MLLT1: variants seen among roughly 807,000 people sequenced by gnomAD.
MLLT1 encodes the protein protein ENL.
Under a neutral mutation model 55.1 loss-of-function variants are expected in MLLT1, and 11 were observed. That is an observed-to-expected ratio of 0.20 (90% CI 0.13 to 0.33). The LOEUF is 0.33. MLLT1 is among the 10% of genes least tolerant of loss of function. The probability of loss-of-function intolerance (pLI) is 1.00; values close to 1 mark genes in which losing one functional copy is unlikely to be tolerated. For missense variants in MLLT1, 536 were observed against 760.6 expected (o/e 0.70, Z 3.47); for synonymous variants, 323 against 320.1 (o/e 1.01, Z -0.10).
chr19:6,222,503 T>C lies in MLLT1; in HGVS notation c.728A>G (p.Lys243Arg), dbSNP rs760747884. 6.3e-6 allele frequency: 10 copies of C among 1,598,320 alleles called. No individual in the cohort carries two copies. The African/African-American group carries it at 1.3e-4, about 21-fold the overall frequency. The change falls in exon 6 of 12, where the codon AAG becomes AGG. Residue 243 changes from lysine to arginine, a missense_variant. Lys to Arg is a conservative substitution (Grantham distance 26). This residue lies in a region of MLLT1 where 449 missense variants were observed against 489.0 expected (regional missense o/e 0.92). Coordinates refer to ENST00000252674, the MANE Select transcript of MLLT1 (RefSeq NM_005934.4). The surrounding 1 kb of genome is among the most constrained non-coding windows in gnomAD (Gnocchi z 4.1). ...LGEGRLPKEEKAPPPKAAFKE... is the reference protein window; with the variant it reads ...LGEGRLPKEERAPPPKAAFKE... ...GAAGGCAGCCTTGGGCGGTGGCGCC[T>C]TCTCCTCCTTGGGCAGCCGGCCCTC...
In MLLT1 at chr19:6,221,734, C is replaced by A. The variant is rs147391067; in HGVS notation, c.1110+387G>T. On this transcript the variant is annotated intron_variant, in intron 6 of 11. Transcript: ENST00000252674. ...CCTATTGGCAGAGCTCCAGGCCGGG[C>A]TGACCACGCCATGGTCAGAGCAACC... is the stretch of plus-strand genomic sequence containing the variant. 3.0e-3 allele frequency among the ~76,000 whole-genome samples: 452 copies of A among 152,358 alleles called. 2 individuals are homozygous for A. The highest frequency in any genetic ancestry group is 0.011 in the African/African-American group (442 of 41,592).
chr19:6,217,452 G>A (rs1409902753), intron 7 of MLLT1, among the ~76,000 whole-genome samples: 1 of 152,156 alleles, frequency 6.6e-6, no homozygotes, highest in Non-Finnish European at 1.5e-5. Flanking sequence ...GCAGGCTGGT[G>A]CAGCCAATGG....
chr19:6,217,862 G>A, intron 7 of MLLT1, 92 bp downstream of exon 7: 1 of 1,489,742 alleles, frequency 6.7e-7, no homozygotes, highest in Non-Finnish European at 9.0e-7. Context: ...CCCAGCCTGT[G>A]CAGGCAGTGG....
chr19:6,275,216 C>T (rs2091422064), intron 1 of MLLT1, among the ~76,000 whole-genome samples: 1 of 152,224 alleles, frequency 6.6e-6, no homozygotes. Context: ...TTGGACTTCG[C>T]CCAGTGGTGG....
chr19:6,241,115 C>T (rs2091108942), intron 3 of MLLT1, among the ~76,000 whole-genome samples: 1 of 152,242 alleles, frequency 6.6e-6, no homozygotes, highest in Admixed American at 6.5e-5. Context: ...TGCTGCCAGG[C>T]TGAGAGCAGC....
At chr19:6,224,561 C>T (rs948435087) in intron 5 of MLLT1, among the ~76,000 whole-genome samples, 7 of 151,982 alleles carry the variant, frequency 4.6e-5, no homozygotes, top group Non-Finnish European at 8.8e-5. Flanking sequence ...TCCAAAGGCA[C>T]GTCAGAGGCC....
intron 3 of MLLT1, among the ~76,000 whole-genome samples, chr19:6,257,518 G>A (rs536111447): frequency 9.2e-5 from 14 of 151,900 alleles, no homozygotes; most frequent in African/African-American, 1.5e-4. Flanking sequence ...AATGGACAAC[G>A]GGCTGGGCAT....
chr19:6,236,930 T>G (rs2091067323), intron 3 of MLLT1, among the ~76,000 whole-genome samples: 1 of 152,254 alleles, frequency 6.6e-6, no homozygotes. Flanking sequence ...TCACGTGTTC[T>G]TGGGCCGGGC....
Position 6,211,594 on chromosome 19 carries a change from A to G in MLLT1, c.*1448T>C. Reference sequence around the variant, plus strand: ...GGTGGGTTCGAGGGGGTGCGAGCCCACCTCCAGGCCCTCAGCCCTCTTTTC... The same window carrying G: ...GGTGGGTTCGAGGGGGTGCGAGCCCGCCTCCAGGCCCTCAGCCCTCTTTTC... On this transcript the variant is annotated 3_prime_UTR_variant, in exon 12 of 12. Coordinates refer to ENST00000252674, the MANE Select transcript of MLLT1 (RefSeq NM_005934.4). The surrounding 1 kb of genome is among the most constrained non-coding windows in gnomAD (Gnocchi z 4.6). 9.4e-7 allele frequency: 1 copy of G among 1,065,166 alleles called. No individual in the cohort carries two copies. The highest frequency in any genetic ancestry group is 5.0e-5 in the East Asian group (1 of 20,036). 66.0% of individuals were successfully genotyped at this position (1,065,166 alleles called of 1,614,324 possible).
chr19:6,278,731 C>A (rs2091440921), intron 1 of MLLT1, among the ~76,000 whole-genome samples: 1 of 151,924 alleles, frequency 6.6e-6, no homozygotes, highest in Non-Finnish European at 1.5e-5. Flanking sequence ...GAACAGCAGG[C>A]CATCAGTGAC....
rs556791693 is a variant in MLLT1, at chr19:6,219,946, G to A, written c.1111-1905C>T. Among the ~76,000 whole-genome samples the A allele has an allele frequency of 8.5e-4, 129 of 152,364 alleles. No homozygotes were observed. The highest frequency in any genetic ancestry group is 1.6e-3 in the Non-Finnish European group (106 of 68,030). On this transcript the variant is annotated intron_variant, in intron 6 of 11. Transcript: ENST00000252674. This position sits in a 1 kb window ranked among gnomAD's most constrained non-coding sequence, Gnocchi z 4.5. ...TCCGGAAATGGTCTCAGCCAGAAGAGCCCTAAGGTGGTGTGATCAGAAGGG... is the reference window on the plus strand; with the variant it reads ...TCCGGAAATGGTCTCAGCCAGAAGAACCCTAAGGTGGTGTGATCAGAAGGG...
chr19:6,213,680 C>G, intron 10 of MLLT1, 46 bp downstream of exon 10: 1 of 1,056,410 alleles, frequency 9.5e-7, no homozygotes, highest in South Asian at 1.3e-5. Context: ...ACTCCCACCA[C>G]CCACCCCTCC....
chr19:6,220,088 C>T (rs1032090587), intron 6 of MLLT1, among the ~76,000 whole-genome samples: 62 of 152,334 alleles, frequency 4.1e-4, no homozygotes, highest in African/African-American at 1.4e-3. Context: ...CGTGGGAGCT[C>T]GGCTCGGGGA....
intron 1 of MLLT1, among the ~76,000 whole-genome samples, chr19:6,274,766 C>T (rs189947683): frequency 2.6e-5 from 4 of 152,298 alleles, no homozygotes; most frequent in African/African-American, 7.2e-5. Context: ...AAGAGCTGTC[C>T]GTCTCACTTC....
In MLLT1 at chr19:6,230,913, G is replaced by T. The variant is rs2091002611; in HGVS notation, c.277-200C>A. Among the ~76,000 whole-genome samples the T allele has an allele frequency of 6.6e-6, 1 of 152,124 alleles. No individual in the cohort carries two copies. Among genetic ancestry groups the T allele is most frequent in the East Asian group, 1.9e-4 (1 of 5,182 alleles). ...CCAGCTTACTATGTGCAGCTAACTG[G>T]GTCTTGCAGGCCCCATGGCAGAAAG... On this transcript the variant is annotated intron_variant, in intron 3 of 11. Coordinates refer to ENST00000252674, the MANE Select transcript of MLLT1 (RefSeq NM_005934.4). This position sits in a 1 kb window ranked among gnomAD's most constrained non-coding sequence, Gnocchi z 9.0.
At chr19:6,221,974 C>T (rs2090902399) in intron 6 of MLLT1, 147 bp downstream of exon 6, 1 of 555,954 alleles carries the variant, frequency 1.8e-6, no homozygotes, top group Non-Finnish European at 2.8e-6. Context: ...GGCGTGGAGG[C>T]CCCAGGTTAC....
chr19:6,225,730 A>G (rs900908739), intron 5 of MLLT1, among the ~76,000 whole-genome samples: 2 of 152,164 alleles, frequency 1.3e-5, no homozygotes, highest in African/African-American at 2.4e-5. Context: ...ACACTCCGGC[A>G]AAAGATACCA....
intron 3 of MLLT1, among the ~76,000 whole-genome samples, chr19:6,241,175 T>G (rs866646592): frequency 1.3e-5 from 2 of 152,162 alleles, no homozygotes; most frequent in African/African-American, 4.8e-5. Context: ...GCCTCCCTCA[T>G]GCCCAGTATG....
chr19:6,222,721 C>A lies in MLLT1; in HGVS notation c.547-37G>T. The A allele has an allele frequency of 2.7e-6, 4 of 1,488,192 alleles. No homozygotes were observed. The South Asian group carries it at 4.0e-5, about 15-fold the overall frequency. The allele number at this position is 1,488,192 out of a possible 1,614,324, so 92.2% of individuals were successfully genotyped here. On this transcript the variant is annotated intron_variant, in intron 5 of 11. Coordinates refer to ENST00000252674, the MANE Select transcript of MLLT1 (RefSeq NM_005934.4). This position sits in a 1 kb window ranked among gnomAD's most constrained non-coding sequence, Gnocchi z 4.1. ...AGAGCAGGGAGGGCAAGGGGAGAGA[C>A]AAGGTCACGTGGCATTGCGGGGCGC... is the stretch of plus-strand genomic sequence containing the variant.
Sources: gnomAD v4.1 joint callset for allele counts (sites outside exome capture counted in the v4.1 genomes callset) on GRCh38, gnomAD v4.1.1 for gene constraint, gnomAD v4.1.1 regional missense constraint, Gnocchi (gnomAD v3.1) non-coding constraint, MANE v1.5 for transcripts, NCBI Gene and HGNC (gene_info 2026-07-23, HGNC 2026-07-21) for gene names.